The following MITD1 variants were observed in gnomAD, a reference collection of about 807,000 sequenced individuals.
The protein encoded by MITD1 is MIT domain-containing protein 1.
Under a neutral mutation model 34.9 loss-of-function variants are expected in MITD1, and 24 were observed. The ratio of observed to expected loss-of-function variants is 0.69; its 90% CI spans 0.50 to 0.97. MITD1 has a LOEUF of 0.97. Ranked by LOEUF, MITD1 falls within the 50% of genes least tolerant of loss-of-function variation. MITD1 has a pLI of 0.00. For synonymous variants in MITD1, 102 were observed against 101.4 expected (o/e 1.01, Z -0.04); for missense variants, 266 against 294.6 (o/e 0.90, Z 0.71).
At chr2:99,162,788 A>G (rs754164819) in intron 7 of MITD1, 3 of 1,614,106 alleles carry the variant, frequency 1.9e-6, no homozygotes, top group South Asian at 1.1e-5. Context: ...GCAAAACTCC[A>G]AAGTTTAGTA....
chr2:99,173,742 A>G, intron 2 of MITD1, 173 bp downstream of exon 2: 2 of 635,070 alleles, frequency 3.1e-6, no homozygotes, highest in South Asian at 3.5e-5. Context: ...ACAAACAAAC[A>G]AAAAATTAAG....
chr2:99,166,858 AATATATATATATATATATATATAT>A (rs10584187), downstream of MITD1, among the ~76,000 whole-genome samples: 16 of 115,402 alleles, frequency 1.4e-4, no homozygotes, highest in African/African-American at 3.8e-4. Flanking sequence ...TGGGGTTTTA[AATATATATATATATATATATATAT>A]ATATATATAT....
chr2:99,170,726 C>A, intron 4 of MITD1, 74 bp from the exon 5 acceptor site: 1 of 679,332 alleles, frequency 1.5e-6, no homozygotes, highest in South Asian at 2.0e-5. Flanking sequence ...GCTATACAAT[C>A]TATATCACAG....
intron 7 of MITD1, among the ~76,000 whole-genome samples, chr2:99,164,156 A>G (rs990412294): frequency 6.6e-6 from 1 of 152,116 alleles, no homozygotes; most frequent in African/African-American, 2.4e-5. Flanking sequence ...GATTTAATTC[A>G]TCTCTGGTTG....
Position 99,173,928 on chromosome 2 carries a change from G to A in MITD1, c.240C>T (p.Asp80=). 2 of 1,603,754 alleles carry A rather than the reference G, an allele frequency of 1.2e-6. No individual in the cohort carries two copies. Among genetic ancestry groups the A allele is most frequent in the South Asian group, 1.1e-5 (1 of 90,460 alleles). Residue 80 remains aspartate, a synonymous_variant, in exon 2 of 7, where the codon GAC becomes GAT. Transcript: ENST00000289359. The part of the protein sequence containing the change: ...DRAENIKKYL[D]QEKEDGKYHK... The stretch of plus-strand genomic sequence containing the variant: ...CAACCTCTTTACCTTCTTTTTCTTG[G>A]TCCAAGTACTTCTTTATGTTTTCCG...
intron 1 of MITD1, among the ~76,000 whole-genome samples, chr2:99,174,946 C>T (rs887991138): frequency 8.0e-5 from 12 of 149,678 alleles, no homozygotes; most frequent in East Asian, 2.0e-4. Context: ...GGCTGGTCTC[C>T]GACTCCTGAT....
exon 8 of MITD1, chr2:99,162,128 A>G (rs2093798207): frequency 6.2e-6 from 10 of 1,614,076 alleles, no homozygotes; most frequent in African/African-American, 1.3e-5. Flanking sequence ...ATATGAATCT[A>G]GAAGGCAAAC....
intron 1 of MITD1, among the ~76,000 whole-genome samples, chr2:99,179,892 C>T (rs1365551985): frequency 6.6e-6 from 1 of 152,126 alleles, no homozygotes; most frequent in Non-Finnish European, 1.5e-5. Flanking sequence ...GACCAAAGCA[C>T]CAAACCATAA....
chr2:99,163,213 CT>C, intron 7 of MITD1: 1 of 523,548 alleles, frequency 1.9e-6, no homozygotes, highest in African/African-American at 2.0e-5. Flanking sequence ...AACCTAGTCT[CT>C]TTCAGTAACT....
At position 99,169,392 on chromosome 2, in the gene MITD1, GCTT is replaced by G. The variant is rs958096118; in HGVS notation, c.730_732del (p.Lys244del). 1.3e-6 allele frequency: 2 copies of G among 1,569,264 alleles called. No homozygotes were observed. The highest frequency in any genetic ancestry group is 1.4e-5 in the African/African-American group (1 of 73,308). On this transcript the variant is annotated inframe_deletion, in exon 7 of 7. Transcript: ENST00000289359. Reference sequence around the variant, plus strand: ...ACCACCCATCATATATTTTTTGTATGCTTCTTATGAAAAATGTCTACTGTTGTT... The same window carrying G: ...ACCACCCATCATATATTTTTTGTATGCTTATGAAAAATGTCTACTGTTGTT...
At chr2:99,176,875 G>T (rs1559182404) in intron 1 of MITD1, among the ~76,000 whole-genome samples, 1 of 152,054 alleles carries the variant, frequency 6.6e-6, no homozygotes, top group Non-Finnish European at 1.5e-5. Flanking sequence ...ATTGAAGAAT[G>T]GCATTGAGAA....
chr2:99,179,335 A>T (rs1334692563), intron 1 of MITD1, among the ~76,000 whole-genome samples: 1 of 152,032 alleles, frequency 6.6e-6, no homozygotes, highest in Non-Finnish European at 1.5e-5. Flanking sequence ...TGACTCTACC[A>T]CCTCCTAGTG....
rs918716987 is a variant in MITD1, at chr2:99,163,199, C to A, written c.*4-981G>T. 3.1e-5 allele frequency: 18 copies of A among 588,298 alleles called. No individual in the cohort carries two copies. The Admixed American group carries it at 5.7e-4, about 19-fold the overall frequency. The allele number at this position is 588,298 out of a possible 1,614,324, so 36.4% of individuals were successfully genotyped here. ...AACGTCAAAAAAAAAAAACAAAACA[C>A]AACAACCTAGTCTCTTTCAGTAACT... On this transcript the variant is annotated intron_variant, in intron 7 of 7. Coordinates refer to the MITD1 transcript ENST00000422537.
intron 1 of MITD1, among the ~76,000 whole-genome samples, chr2:99,179,744 G>A (rs1328862407): frequency 6.6e-6 from 1 of 152,036 alleles, no homozygotes; most frequent in East Asian, 1.9e-4. Flanking sequence ...TGTATTTTCA[G>A]TAGAGACGGG....
At chr2:99,169,981 C>A (rs2093846542) in intron 5 of MITD1, among the ~76,000 whole-genome samples, 1 of 152,208 alleles carries the variant, frequency 6.6e-6, no homozygotes, top group African/African-American at 2.4e-5. Context: ...TCTGCTTTAA[C>A]TACAGCAGCT....
chr2:99,169,284 A>T lies in MITD1; in HGVS notation c.*91T>A. ...TAAATTAGTAGAAATATAAAAGTTT[A>T]TTGTTAAATTCATACATTATAAAAG... is the stretch of plus-strand genomic sequence containing the variant. On this transcript the variant is annotated 3_prime_UTR_variant, in exon 7 of 7. Coordinates refer to ENST00000289359, the MANE Select transcript of MITD1 (RefSeq NM_138798.3). 1.6e-6 allele frequency: 1 copy of T among 625,524 alleles called. No homozygotes were observed. Among genetic ancestry groups the T allele is most frequent in the Non-Finnish European group, 2.8e-6 (1 of 361,094 alleles). 38.7% of individuals were successfully genotyped at this position (625,524 alleles called of 1,614,324 possible).
At chr2:99,177,675 A>ATT (rs34554984) in intron 1 of MITD1, among the ~76,000 whole-genome samples, 10 of 149,940 alleles carry the variant, frequency 6.7e-5, no homozygotes, top group African/African-American at 2.0e-4. Flanking sequence ...TTAACTGTAA[A>ATT]TTTTTTTTTT....
intron 1 of MITD1, among the ~76,000 whole-genome samples, chr2:99,178,539 G>T (rs1008374211): frequency 2.0e-5 from 3 of 152,196 alleles, no homozygotes; most frequent in Non-Finnish European, 4.4e-5. Flanking sequence ...ATGTATATTA[G>T]ATTGAGGTAA....
chr2:99,173,759 T>G (rs539811070), intron 2 of MITD1, 156 bp downstream of exon 2: 66 of 652,798 alleles, frequency 1.0e-4, no homozygotes, highest in South Asian at 8.4e-4. Context: ...TAAGAACAAC[T>G]CCTGTATGGG....
Sources: allele counts gnomAD v4.1 joint callset (sites outside exome capture counted in the v4.1 genomes callset), GRCh38; gene constraint gnomAD v4.1.1; transcripts MANE v1.5; gene names NCBI Gene and HGNC (gene_info 2026-07-23, HGNC 2026-07-21).